The following PPA2 variants were observed in gnomAD, a reference collection of about 807,000 sequenced individuals.
PPA2 encodes inorganic pyrophosphatase 2.
A neutral mutation model predicts 49.5 loss-of-function variants in PPA2; 48 were observed. The observed-to-expected ratio is 0.97, with a 90% CI of 0.77 to 1.23. The LOEUF (loss-of-function observed/expected upper bound fraction) is 1.23. Ranked by LOEUF, PPA2 falls within the 50% of genes most tolerant of loss-of-function variation. The probability of loss-of-function intolerance (pLI) is 0.00; values close to 1 mark genes in which losing one functional copy is unlikely to be tolerated. For synonymous variants in PPA2, 131 were observed against 139.9 expected (o/e 0.94, Z 0.45); for missense variants, 429 against 410.1 (o/e 1.05, Z -0.40).
intron 10 of PPA2, among the ~76,000 whole-genome samples, chr4:105,385,835 T>C (rs949367897): frequency 6.6e-6 from 1 of 152,016 alleles, no homozygotes; most frequent in Non-Finnish European, 1.5e-5. Context: ...TCTCACCAAT[T>C]TTATTTTTCT....
At chr4:105,380,292 T>A (rs2110367207) in intron 10 of PPA2, among the ~76,000 whole-genome samples, 1 of 152,350 alleles carries the variant, frequency 6.6e-6, no homozygotes, top group South Asian at 2.1e-4. Context: ...ATAAAATATG[T>A]TCACATTGTC....
intron 5 of PPA2, among the ~76,000 whole-genome samples, chr4:105,441,604 C>T (rs1009071307): frequency 3.3e-5 from 5 of 151,842 alleles, no homozygotes; most frequent in African/African-American, 1.2e-4. Flanking sequence ...AGTTATACAA[C>T]TCAAAATTTG....
rs572172315 is a variant in PPA2 at position 105,469,219 on chromosome 4, T to A, written c.157+4675A>T. ...CATGGTATTTCACTGTCGTCAAAAATCAGATTGTGTCCTTAGGCATTAATT... is the reference window on the plus strand; with the variant it reads ...CATGGTATTTCACTGTCGTCAAAAAACAGATTGTGTCCTTAGGCATTAATT... On this transcript the variant is annotated intron_variant, in intron 1 of 11. Coordinates refer to ENST00000341695, the MANE Select transcript of PPA2 (RefSeq NM_176869.3). 5.3e-5 allele frequency among the ~76,000 whole-genome samples: 8 copies of A among 152,342 alleles called. No individual in the cohort carries two copies. In the South Asian group the frequency reaches 1.7e-3, roughly 32 times the overall value.
chr4:105,387,420 G>A (rs112953200), intron 9 of PPA2, among the ~76,000 whole-genome samples: 1 of 152,014 alleles, frequency 6.6e-6, no homozygotes, highest in Non-Finnish European at 1.5e-5. Context: ...TAAAATAATA[G>A]GTAAAACACA....
chr4:105,411,722 G>A (rs1722765579), intron 7 of PPA2, among the ~76,000 whole-genome samples: 1 of 152,200 alleles, frequency 6.6e-6, no homozygotes, highest in Non-Finnish European at 1.5e-5. Context: ...TCCTTAAGCT[G>A]ACAAGCAACT....
At chr4:105,450,213 C>G (rs1457586547) in intron 3 of PPA2, among the ~76,000 whole-genome samples, 3 of 152,082 alleles carry the variant, frequency 2.0e-5, no homozygotes, top group Non-Finnish European at 4.4e-5. Context: ...AAGGAAACAA[C>G]GATGGTTTAA....
Position 105,369,698 on chromosome 4 carries a change from T to C in PPA2, c.*27A>G. ...CTTGGAGTCCTTAGAGATGGGAATCTTGACAGCAGAATTTCAGATGTTTCA... is the reference window on the plus strand; with the variant it reads ...CTTGGAGTCCTTAGAGATGGGAATCCTGACAGCAGAATTTCAGATGTTTCA... On this transcript the variant is annotated 3_prime_UTR_variant, in exon 12 of 12. Transcript: ENST00000341695. The C allele has an allele frequency of 6.8e-7, 1 of 1,474,706 alleles. No individual in the cohort carries two copies. Among genetic ancestry groups the C allele is most frequent in the Non-Finnish European group, 9.3e-7 (1 of 1,074,736 alleles). 91.4% of individuals were successfully genotyped at this position (1,474,706 alleles called of 1,614,324 possible). A position where few individuals can be genotyped will look rare whatever the true frequency, so the allele number is the denominator to read the frequency against.
At chr4:105,379,758 T>C (rs1412414038) in intron 10 of PPA2, among the ~76,000 whole-genome samples, 1 of 151,686 alleles carries the variant, frequency 6.6e-6, no homozygotes, top group Non-Finnish European at 1.5e-5. Flanking sequence ...TTCAGACTCC[T>C]GAGTAGCTGG....
intron 6 of PPA2, among the ~76,000 whole-genome samples, chr4:105,425,755 CA>C (rs1723474483): frequency 6.6e-6 from 1 of 151,334 alleles, no homozygotes; most frequent in African/African-American, 2.4e-5. Flanking sequence ...CACACACACA[CA>C]CACACACCCA....
At chr4:105,436,584 G>A (rs924532860) in intron 6 of PPA2, among the ~76,000 whole-genome samples, 6 of 152,096 alleles carry the variant, frequency 3.9e-5, no homozygotes, top group Admixed American at 1.3e-4. Flanking sequence ...CATAGCTGTA[G>A]TACTGGTATA....
intron 7 of PPA2, among the ~76,000 whole-genome samples, chr4:105,422,402 A>C (rs1202037091): frequency 6.6e-6 from 1 of 152,232 alleles, no homozygotes; most frequent in African/African-American, 2.4e-5. Context: ...AGGAATTTAG[A>C]AAGGTGTCCA....
At chr4:105,428,721 T>G (rs1723649193) in intron 6 of PPA2, among the ~76,000 whole-genome samples, 1 of 151,800 alleles carries the variant, frequency 6.6e-6, no homozygotes, top group Admixed American at 6.6e-5. Context: ...CTAATGTAGG[T>G]GACTGGTTGA....
In PPA2 at chr4:105,371,998, T is replaced by C. The variant is rs576552458; in HGVS notation, c.940-1125A>G. Among the ~76,000 whole-genome samples, 9 of 152,290 alleles carry C rather than the reference T, an allele frequency of 5.9e-5. No individual in the cohort carries two copies. In the East Asian group the frequency reaches 1.7e-3, roughly 29 times the overall value. On this transcript the variant is annotated intron_variant, in intron 10 of 11. Transcript: ENST00000341695. ...TTAGTAGCCCACATATCTAGGCACCTTTTACCTCCAAACAGCCACCCACCG... is the reference window on the plus strand; with the variant it reads ...TTAGTAGCCCACATATCTAGGCACCCTTTACCTCCAAACAGCCACCCACCG...
At chr4:105,406,114 C>CAA (rs35468715) in intron 7 of PPA2, among the ~76,000 whole-genome samples, 11,391 of 97,348 alleles carry the variant, frequency 0.12, 791 homozygotes, top group East Asian at 0.35. Context: ...TATAAAACTT[C>CAA]AAAAAAAAAA....
At chr4:105,393,506 T>C (rs972086775) in intron 9 of PPA2, among the ~76,000 whole-genome samples, 2 of 145,610 alleles carry the variant, frequency 1.4e-5, no homozygotes, top group African/African-American at 5.0e-5. Flanking sequence ...ATAATAATAA[T>C]AATAATAATA....
chr4:105,456,971 T>C (rs1722898618), intron 1 of PPA2, among the ~76,000 whole-genome samples: 2 of 152,192 alleles, frequency 1.3e-5, no homozygotes, highest in African/African-American at 2.4e-5. Flanking sequence ...TGAAATAATT[T>C]ACTTATCCCT....
chr4:105,424,309 C>T lies in PPA2; in HGVS notation c.542G>A (p.Gly181Glu). Reference sequence around the variant, plus strand: ...AAGGATCTTCACATGAATAACTTCTCCACAAGAAAGAATCTTTAAAGAAAA... The same window carrying T: ...AAGGATCTTCACATGAATAACTTCTTCACAAGAAAGAATCTTTAAAGAAAA... ...CEIGSKILSCGEVIHVKILGI... is the reference protein window; with the variant it reads ...CEIGSKILSCEEVIHVKILGI... Residue 181 changes from glycine to glutamate, a missense_variant, in exon 7 of 12, where the codon GGA becomes GAA. Gly to Glu is a moderately conservative substitution (Grantham distance 98). Coordinates refer to ENST00000341695, the MANE Select transcript of PPA2 (RefSeq NM_176869.3). 6.3e-7 allele frequency: 1 copy of T among 1,592,626 alleles called. No individual in the cohort carries two copies. The highest frequency in any genetic ancestry group is 8.5e-7 in the Non-Finnish European group (1 of 1,174,828).
intron 10 of PPA2, among the ~76,000 whole-genome samples, chr4:105,373,959 A>G (rs897139563): frequency 1.3e-5 from 2 of 152,144 alleles, no homozygotes; most frequent in African/African-American, 4.8e-5. Context: ...ACAGTCAATG[A>G]TTTCCTGGTG....
chr4:105,470,384 A>G (rs1248869574), intron 1 of PPA2, among the ~76,000 whole-genome samples: 1 of 152,180 alleles, frequency 6.6e-6, no homozygotes, highest in East Asian at 1.9e-4. Context: ...TACCCAGGAG[A>G]CAGAGGTGAG....
Sources: allele counts gnomAD v4.1 joint callset (sites outside exome capture counted in the v4.1 genomes callset), GRCh38; gene constraint gnomAD v4.1.1; transcripts MANE v1.5; gene names NCBI Gene and HGNC (gene_info 2026-07-23, HGNC 2026-07-21).